ADARB2: variants seen among roughly 807,000 people sequenced by gnomAD.
ADARB2 encodes adenosine deaminase RNA specific B2 (inactive), also known as inactive double-stranded RNA-specific editase B2.
Under a neutral mutation model 62.2 loss-of-function variants are expected in ADARB2, and 25 were observed. The ratio of observed to expected loss-of-function variants is 0.40; its 90% CI spans 0.29 to 0.56. ADARB2 has a LOEUF of 0.56. Ranked by LOEUF, ADARB2 falls within the 20% of genes least tolerant of loss-of-function variation. The probability of loss-of-function intolerance (pLI) is 0.43; values close to 1 mark genes in which losing one functional copy is unlikely to be tolerated. For missense variants in ADARB2, 1,071 were observed against 1,077.4 expected, an observed-to-expected ratio of 0.99 and a Z score of 0.08; for synonymous variants, 572 against 500.8, an observed-to-expected ratio of 1.14 and a Z score of -1.90.
intron 1 of ADARB2, among the ~76,000 whole-genome samples, chr10:1,463,744 G>A (rs2676190): frequency 0.25 from 38,005 of 152,046 alleles, 4,796 homozygotes; most frequent in South Asian, 0.3. Flanking sequence ...AATGAAAAGA[G>A]AAGCCACAGA....
chr10:1,645,261 G>A (rs1834024831), intron 1 of ADARB2, among the ~76,000 whole-genome samples: 1 of 152,202 alleles, frequency 6.6e-6, no homozygotes, highest in South Asian at 2.1e-4. Context: ...GCATGGCTAT[G>A]GTACAGCCCA....
chr10:1,472,777 G>A (rs1184413648), intron 1 of ADARB2, among the ~76,000 whole-genome samples: 1 of 152,144 alleles, frequency 6.6e-6, no homozygotes, highest in Non-Finnish European at 1.5e-5. Context: ...TCTGCAGGGT[G>A]GGGGCAGGGC....
intron 1 of ADARB2, among the ~76,000 whole-genome samples, chr10:1,617,718 C>T (rs1420850516): frequency 6.6e-6 from 1 of 151,286 alleles, no homozygotes; most frequent in Non-Finnish European, 1.5e-5. Flanking sequence ...GGGAACTGGC[C>T]TCAGAGGGTT....
chr10:1,511,111 T>C (rs571270388), intron 1 of ADARB2, among the ~76,000 whole-genome samples: 1 of 152,252 alleles, frequency 6.6e-6, no homozygotes, highest in South Asian at 2.1e-4. Context: ...CCTAAAATGC[T>C]GGGATTACAG....
intron 1 of ADARB2, among the ~76,000 whole-genome samples, chr10:1,495,038 A>G (rs1351480713): frequency 6.6e-6 from 1 of 152,212 alleles, no homozygotes; most frequent in East Asian, 1.9e-4. Flanking sequence ...ATGTTTTAGT[A>G]GGAAGTCTTG....
chr10:1,361,766 C>T (rs1832258794), intron 3 of ADARB2: 1 of 152,226 alleles, frequency 6.6e-6, no homozygotes, highest in African/African-American at 2.4e-5. Context: ...ATCATCTCCC[C>T]AGGCAAAATA....
intron 7 of ADARB2, among the ~76,000 whole-genome samples, chr10:1,209,725 C>T (rs935132143): frequency 6.6e-6 from 1 of 151,734 alleles, no homozygotes; most frequent in African/African-American, 2.4e-5. Flanking sequence ...TGGCCCACAC[C>T]CACACACCCA....
Position 1,223,434 on chromosome 10 carries a change from C to T in ADARB2, c.1514-6315G>A, listed in dbSNP as rs565113629. Among the ~76,000 whole-genome samples, 1,425 of 152,230 alleles carry T rather than the reference C, an allele frequency of 9.4e-3. 9 individuals carry two copies. Among genetic ancestry groups the T allele is most frequent in the Non-Finnish European group, 0.015 (1,019 of 68,016 alleles). ...TCCTTCTCCTGCCTGATTGCCCTGG[C>T]CAGAACTTCCAACACTATGTTGAAT... is the stretch of plus-strand genomic sequence containing the variant. On this transcript the variant is annotated intron_variant, in intron 6 of 9. Coordinates refer to ENST00000381312, the MANE Select transcript of ADARB2 (RefSeq NM_018702.4).
intron 1 of ADARB2, among the ~76,000 whole-genome samples, chr10:1,412,026 G>T (rs1391682247): frequency 6.6e-6 from 1 of 152,184 alleles, no homozygotes; most frequent in Non-Finnish European, 1.5e-5. Context: ...TTCCCTTCTT[G>T]CCCCGGTCAA....
chr10:1,257,295 G>A (rs548825500), intron 4 of ADARB2, among the ~76,000 whole-genome samples: 4 of 152,282 alleles, frequency 2.6e-5, no homozygotes, highest in African/African-American at 9.6e-5. Context: ...ACCCACTGTC[G>A]ATTGTAGCTT....
chr10:1,379,255 G>A, intron 1 of ADARB2, 95 bp from the exon 2 acceptor site: 1 of 973,672 alleles, frequency 1.0e-6, no homozygotes, highest in Non-Finnish European at 1.6e-6. Context: ...TTGGACAAGG[G>A]AGGTGGAGAG....
chr10:1,510,102 T>TTTTC (rs1588282531), intron 1 of ADARB2, among the ~76,000 whole-genome samples: 2 of 132,668 alleles, frequency 1.5e-5, no homozygotes, highest in East Asian at 2.1e-4. Flanking sequence ...TCTCTTTTCT[T>TTTTC]TCTTTCTCTC....
chr10:1,601,239 G>A (rs1399205260), intron 1 of ADARB2, among the ~76,000 whole-genome samples: 1 of 152,206 alleles, frequency 6.6e-6, no homozygotes, highest in Non-Finnish European at 1.5e-5. Flanking sequence ...TTTTTGTGAA[G>A]CCTGTGAGTG....
chr10:1,526,156 C>T (rs889729546), intron 1 of ADARB2, among the ~76,000 whole-genome samples: 1 of 151,052 alleles, frequency 6.6e-6, no homozygotes, highest in Non-Finnish European at 1.5e-5. Context: ...TGCACTTGCG[C>T]GGCTGCTCCT....
rs1283870875 is a variant in ADARB2 at position 1,327,416 on chromosome 10, C to A, written c.1077+35612G>T. Among the ~76,000 whole-genome samples the A allele has an allele frequency of 1.1e-3, 40 of 37,418 alleles. 9 individuals carry two copies. Among genetic ancestry groups the A allele is most frequent in the Non-Finnish European group, 1.9e-3 (35 of 18,878 alleles). 24.5% of individuals were successfully genotyped at this position (37,418 alleles called of 152,430 possible). A position where few individuals can be genotyped will look rare whatever the true frequency, so the allele number is the denominator to read the frequency against. On this transcript the variant is annotated intron_variant, in intron 3 of 9. Coordinates refer to ENST00000381312, the MANE Select transcript of ADARB2 (RefSeq NM_018702.4). ...CCACTGCACAGCGCCTCCCCACTGC[C>A]CAGCGCCTCCCCACTGCCCAGCGCC...
chr10:1,329,929 C>CTTTTTT (rs370355543), intron 3 of ADARB2, among the ~76,000 whole-genome samples: 7 of 100,242 alleles, frequency 7.0e-5, no homozygotes, highest in East Asian at 2.8e-4. Context: ...GAAGAAGTGC[C>CTTTTTT]TTTTTTTTTT....
At chr10:1,468,617 C>A (rs937837894) in intron 1 of ADARB2, among the ~76,000 whole-genome samples, 11 of 152,216 alleles carry the variant, frequency 7.2e-5, no homozygotes, top group Non-Finnish European at 1.6e-4. Flanking sequence ...GCCTCTAGGT[C>A]TGCCAAAGTC....
intron 1 of ADARB2, among the ~76,000 whole-genome samples, chr10:1,689,976 GT>G (rs1247629420): frequency 2.0e-5 from 3 of 152,018 alleles, no homozygotes; most frequent in African/African-American, 4.8e-5. Context: ...GAAATGTGGG[GT>G]TTTTTTGTTT....
At chr10:1,556,292 G>C (rs1196090359) in intron 1 of ADARB2, among the ~76,000 whole-genome samples, 2 of 151,256 alleles carry the variant, frequency 1.3e-5, no homozygotes, top group Non-Finnish European at 2.9e-5. Flanking sequence ...TCTTTACTGG[G>C]GGACAAATCC....
Sources: allele counts gnomAD v4.1 joint callset (sites outside exome capture counted in the v4.1 genomes callset), GRCh38; gene constraint gnomAD v4.1.1; transcripts MANE v1.5; gene names NCBI Gene and HGNC (gene_info 2026-07-23, HGNC 2026-07-21).